The following OAS1 variants were observed in gnomAD, a reference collection of about 807,000 sequenced individuals.
OAS1 encodes 2'-5'-oligoadenylate synthetase 1, also known as 2'-5'-oligoadenylate synthase 1.
A neutral mutation model predicts 38.5 loss-of-function variants in OAS1; 24 were observed. The observed-to-expected ratio is 0.62, with a 90% confidence interval of 0.45 to 0.88. The LOEUF (loss-of-function observed/expected upper bound fraction) is 0.88, where lower values mean the gene tolerates loss of function less well. OAS1 is among the 40% of genes least tolerant of loss of function. The pLI is 0.00. For synonymous variants in OAS1, 169 were observed against 193.9 expected, an observed-to-expected ratio of 0.87 and a Z score of 1.07; for missense variants, 482 against 493.9, an observed-to-expected ratio of 0.98 and a Z score of 0.23.
chr12:112,911,314 G>T (rs2043380236), intron 3 of OAS1, 79 bp downstream of exon 3: 2 of 1,158,052 alleles, frequency 1.7e-6, no homozygotes, highest in Admixed American at 4.9e-5. Flanking sequence ...GAGAAAGAAG[G>T]GAGTGAAGGG....
chr12:112,914,730 G>GTTTTTTTTTTTTTTTT (rs60578734), intron 3 of OAS1, among the ~76,000 whole-genome samples: 1 of 118,500 alleles, frequency 8.4e-6, no homozygotes, highest in Non-Finnish European at 1.8e-5. Context: ...GTTGGTATTT[G>GTTTTTTTTTTTTTTTT]TTTTTTTTTT....
At chr12:112,911,495 C>T (rs1054576183) in intron 3 of OAS1, among the ~76,000 whole-genome samples, 1 of 152,064 alleles carries the variant, frequency 6.6e-6, no homozygotes, top group African/African-American at 2.4e-5. Context: ...TAAAACAGAG[C>T]CTGGTGCATA....
chr12:112,911,740 C>T (rs936543319), intron 3 of OAS1, among the ~76,000 whole-genome samples: 1 of 152,190 alleles, frequency 6.6e-6, no homozygotes, highest in Non-Finnish European at 1.5e-5. Context: ...AGTAGCATGC[C>T]ATAGCTAGAG....
At chr12:112,931,489 AATATTT>A (rs1446769955) in intron 6 of OAS1, among the ~76,000 whole-genome samples, 2 of 152,242 alleles carry the variant, frequency 1.3e-5, no homozygotes, top group African/African-American at 4.8e-5. Context: ...TAAATGAGTC[AATATTT>A]ATAAAGTGTT....
At chr12:112,917,811 A>G in intron 5 of OAS1, 111 bp downstream of exon 5, 1 of 1,611,028 alleles carries the variant, frequency 6.2e-7, no homozygotes, top group East Asian at 2.2e-5. Context: ...GCCAAAGGCC[A>G]TTTATATTCA....
chr12:112,923,403 A>G (rs528636492), downstream of OAS1, among the ~76,000 whole-genome samples: 7 of 152,254 alleles, frequency 4.6e-5, no homozygotes, highest in Non-Finnish European at 7.3e-5. Flanking sequence ...AATGATAGCC[A>G]TCCTACCAGG....
At chr12:112,922,497 A>G (rs6489865), downstream of OAS1, among the ~76,000 whole-genome samples, 114,507 of 152,002 alleles carry the variant, frequency 0.75, 44,349 homozygotes, top group African/African-American at 0.94. Flanking sequence ...CAACCTCACC[A>G]TTCATTATAG....
chr12:112,924,982 A>G (rs977456535), intron 6 of OAS1, among the ~76,000 whole-genome samples: 28 of 152,212 alleles, frequency 1.8e-4, no homozygotes, highest in African/African-American at 6.8e-4. Flanking sequence ...ATGGTATAAC[A>G]TTGAAGCACC....
intron 6 of OAS1, among the ~76,000 whole-genome samples, chr12:112,928,330 A>T (rs899414151): frequency 6.6e-6 from 1 of 152,246 alleles, no homozygotes; most frequent in Admixed American, 6.5e-5. Flanking sequence ...TCCTCTGGGA[A>T]GCAGCAGAAT....
intron 3 of OAS1, among the ~76,000 whole-genome samples, 190 bp from the exon 4 acceptor site, chr12:112,916,317 CTG>C: frequency 6.6e-6 from 1 of 152,306 alleles, no homozygotes; most frequent in East Asian, 1.9e-4. Flanking sequence ...TGCACAGCCT[CTG>C]TTGCAACTAC....
At chr12:112,913,494 C>T (rs1270647367) in intron 3 of OAS1, among the ~76,000 whole-genome samples, 1 of 151,908 alleles carries the variant, frequency 6.6e-6, no homozygotes, top group African/African-American at 2.4e-5. Flanking sequence ...TATGTTAGAC[C>T]CTGCTCTATC....
chr12:112,917,491 C>T, intron 4 of OAS1, 56 bp from the exon 5 acceptor site: 1 of 1,604,518 alleles, frequency 6.2e-7, no homozygotes, highest in Non-Finnish European at 8.5e-7. Flanking sequence ...AGCATCTGGA[C>T]TCCCTAGACA....
Position 112,907,285 on chromosome 12 carries a change from A to G in OAS1, c.180+66A>G, listed in dbSNP as rs61096170. 0.02 allele frequency: 12,133 copies of G among 598,954 alleles called. 455 individuals carry two copies. Among genetic ancestry groups the G allele is most frequent in the African/African-American group, 0.15 (8,102 of 55,458 alleles). The allele number at this position is 598,954 out of a possible 1,614,324, so 37.1% of individuals were successfully genotyped here. A position where few individuals can be genotyped will look rare whatever the true frequency, so the allele number is the denominator to read the frequency against. ...TGTGCAAGAGTTGAGATTGAGAATG[A>G]GAGAGAGAGAGAGAGAGAAGCAAAA... On this transcript the variant is annotated intron_variant, in intron 1 of 5. Coordinates refer to ENST00000202917, the MANE Select transcript of OAS1 (RefSeq NM_016816.4).
chr12:112,919,464 G>A lies in OAS1; in HGVS notation c.1114G>A (p.Glu372Lys). 6.2e-7 allele frequency: 1 copy of A among 1,614,130 alleles called. No individual in the cohort carries two copies. Among genetic ancestry groups the A allele is most frequent in the Non-Finnish European group, 8.5e-7 (1 of 1,180,008 alleles). The change falls in exon 6 of 6, where the codon GAG (glutamate) becomes AAG (lysine). Residue 372 changes from glutamate to lysine, a missense_variant. Coordinates refer to ENST00000202917, the MANE Select transcript of OAS1 (RefSeq NM_016816.4). ...GAAATATGGTTACATTGGAACACAT[G>A]AGTACCCTCATTTCTCTCATAGACC... ...YQKYGYIGTH[E>K]YPHFSHRPST... is the part of the protein sequence containing the mutation.
At chr12:112,912,813 G>A (rs2043405088) in intron 3 of OAS1, among the ~76,000 whole-genome samples, 1 of 152,128 alleles carries the variant, frequency 6.6e-6, no homozygotes, top group African/African-American at 2.4e-5. Flanking sequence ...AACAAGACAA[G>A]ATTAACAATA....
intron 4 of OAS1, 108 bp from the exon 5 acceptor site, chr12:112,917,439 T>C: frequency 6.9e-7 from 1 of 1,459,094 alleles, no homozygotes; most frequent in Non-Finnish European, 9.4e-7. Context: ...CCTCATGTTC[T>C]GAGTCCCAGT....
chr12:112,916,439 C>T, intron 3 of OAS1, 70 bp from the exon 4 acceptor site: 1 of 1,175,864 alleles, frequency 8.5e-7, no homozygotes, highest in East Asian at 2.4e-5. Flanking sequence ...TGGATTTGGC[C>T]CATGAGAAGT....
chr12:112,919,588 T>C lies in OAS1; in HGVS notation c.*35T>C. On this transcript the variant is annotated 3_prime_UTR_variant, in exon 6 of 6. Coordinates refer to ENST00000202917, the MANE Select transcript of OAS1 (RefSeq NM_016816.4). ...CATCTTGGGGGAAAGGGCTCCAGTGTTATCTGGACCAGTTCCTTCATTTTC... is the reference window on the plus strand; with the variant it reads ...CATCTTGGGGGAAAGGGCTCCAGTGCTATCTGGACCAGTTCCTTCATTTTC... The C allele has an allele frequency of 1.2e-6, 2 of 1,614,158 alleles. No individual in the cohort carries two copies. Among genetic ancestry groups the C allele is most frequent in the Non-Finnish European group, 1.7e-6 (2 of 1,180,004 alleles).
In OAS1 at chr12:112,916,496, T is replaced by C. The variant is rs2136317370; in HGVS notation, c.655-13T>C. 6.2e-7 allele frequency: 1 copy of C among 1,607,678 alleles called. No individual in the cohort carries two copies. The highest frequency in any genetic ancestry group is 2.2e-5 in the East Asian group (1 of 44,826). On this transcript the variant is annotated splice_polypyrimidine_tract_variant and intron_variant, in intron 3 of 5. Coordinates refer to ENST00000202917, the MANE Select transcript of OAS1 (RefSeq NM_016816.4). ...CAAACCAATTTTTTTCTGATTGTTT[T>C]TCCTCTTCTCAGTGTAAGAAGAAGC...
Sources: gnomAD v4.1 joint callset for allele counts (sites outside exome capture counted in the v4.1 genomes callset) on GRCh38, gnomAD v4.1.1 for gene constraint, MANE v1.5 for transcripts, NCBI Gene and HGNC (gene_info 2026-07-23, HGNC 2026-07-21) for gene names.